The following AOPEP variants were observed in gnomAD, a reference collection of about 807,000 sequenced individuals.
AOPEP encodes aminopeptidase O (putative).
AOPEP carries 77 observed loss-of-function variants against 98.1 expected under a neutral mutation model. That is an observed-to-expected ratio of 0.78 (90% confidence interval 0.65 to 0.95). The LOEUF (loss-of-function observed/expected upper bound fraction) is 0.95, where lower values mean the gene tolerates loss of function less well. Among genes scored for constraint, AOPEP ranks in the 40% least tolerant of loss-of-function variants. AOPEP has a pLI of 0.00. For missense variants in AOPEP, 1,024 were observed against 1,024.7 expected, an observed-to-expected ratio of 1.00 and a Z score of 0.01; for synonymous variants, 346 against 365.3, an observed-to-expected ratio of 0.95 and a Z score of 0.60.
At chr9:94,915,345 AAT>A (rs1016785504) in intron 5 of AOPEP, among the ~76,000 whole-genome samples, 1 of 152,138 alleles carries the variant, frequency 6.6e-6, no homozygotes, top group African/African-American at 2.4e-5. Context: ...GCCATCAGGG[AAT>A]ATGAGAACTC....
At chr9:94,929,628 A>G (rs918386633) in intron 7 of AOPEP, among the ~76,000 whole-genome samples, 3 of 152,238 alleles carry the variant, frequency 2.0e-5, no homozygotes, top group Non-Finnish European at 4.4e-5. Context: ...TTCCCGCCCC[A>G]AAGCCATTGT....
intron 5 of AOPEP, among the ~76,000 whole-genome samples, chr9:94,828,349 T>A (rs10125609): frequency 0.62 from 94,217 of 152,126 alleles, 29,896 homozygotes; most frequent in Middle Eastern, 0.74. Flanking sequence ...TTTATTATGA[T>A]TTTAGCTCTT....
At chr9:94,918,762 GCAGT>G (rs2053178803) in intron 5 of AOPEP, among the ~76,000 whole-genome samples, 1 of 152,250 alleles carries the variant, frequency 6.6e-6, no homozygotes, top group African/African-American at 2.4e-5. Flanking sequence ...CAAACACTGA[GCAGT>G]CAGTCTTCAG....
At chr9:95,026,129 C>G (rs1055176884) in intron 13 of AOPEP, among the ~76,000 whole-genome samples, 1 of 152,074 alleles carries the variant, frequency 6.6e-6, no homozygotes, top group African/African-American at 2.4e-5. Flanking sequence ...AAGAGAAAAC[C>G]GGAATATAGA....
intron 11 of AOPEP, among the ~76,000 whole-genome samples, chr9:94,984,015 C>T (rs1406238143): frequency 4.0e-5 from 6 of 151,666 alleles, no homozygotes; most frequent in Non-Finnish European, 5.9e-5. Context: ...TGAAATATAT[C>T]GAAAGCACCT....
At chr9:95,110,251 C>A in the AOPEP span, 27 of 1,007,394 alleles carry the variant, frequency 2.7e-5, 1 homozygote, top group African/African-American at 4.3e-4. Flanking sequence ...TAATTTATTT[C>A]TTTATACTTC....
intron 14 of AOPEP, among the ~76,000 whole-genome samples, chr9:95,075,858 G>A (rs115029803): frequency 1.1e-3 from 162 of 152,320 alleles, no homozygotes; most frequent in African/African-American, 3.3e-3. Context: ...ATGACCGAAC[G>A]ACACCCTGCC....
chr9:94,964,679 G>A lies in AOPEP; in HGVS notation c.1873-3079G>A, dbSNP rs928588382. The stretch of plus-strand genomic sequence containing the variant: ...TTTTGAGACGGAGTCTCTCACTGTC[G>A]CCCAGGCTGGAGTGCAATGGCGCGA... On this transcript the variant is annotated intron_variant, in intron 9 of 16. Coordinates refer to ENST00000375315, the MANE Select transcript of AOPEP (RefSeq NM_001193329.3). 2.5e-4 allele frequency among the ~76,000 whole-genome samples: 33 copies of A among 129,690 alleles called. No individual in the cohort carries two copies. The East Asian group carries it at 5.9e-3, about 23-fold the overall frequency. 85.1% of individuals were successfully genotyped at this position (129,690 alleles called of 152,430 possible).
intron 9 of AOPEP, among the ~76,000 whole-genome samples, chr9:94,966,840 T>C (rs2059231359): frequency 6.6e-6 from 1 of 152,170 alleles, no homozygotes; most frequent in Non-Finnish European, 1.5e-5. Flanking sequence ...CAGAATGAAA[T>C]GGGCTGGAAA....
At chr9:94,820,080 G>A (rs1852714058) in intron 5 of AOPEP, among the ~76,000 whole-genome samples, 1 of 151,244 alleles carries the variant, frequency 6.6e-6, no homozygotes, top group South Asian at 2.1e-4. Flanking sequence ...TGAATAGCTG[G>A]GATTACAGGT....
At position 95,000,546 on chromosome 9, in the gene AOPEP, A is replaced by T. The variant is rs12686352; in HGVS notation, c.1978-4612A>T. On this transcript the variant is annotated intron_variant, in intron 11 of 16. Coordinates refer to ENST00000375315, the MANE Select transcript of AOPEP (RefSeq NM_001193329.3). ...AACATGGTGAAACCCTGTCTCTACT[A>T]AAAGTATAAAAATTAGCTGGACGTG... Among the ~76,000 whole-genome samples, 796 of 152,244 alleles carry T rather than the reference A, an allele frequency of 5.2e-3. 14 individuals carry two copies. Among genetic ancestry groups the T allele is most frequent in the East Asian group, 0.043 (223 of 5,166 alleles).
At chr9:94,790,018 C>T (rs1275309427) in intron 3 of AOPEP, among the ~76,000 whole-genome samples, 9 of 151,722 alleles carry the variant, frequency 5.9e-5, no homozygotes, top group South Asian at 2.1e-4. Flanking sequence ...GGACTACAGG[C>T]GCCCACCATC....
In AOPEP at chr9:94,895,219, T is replaced by TAATAAAAAA. The variant is rs1204411552; in HGVS notation, c.1365-28765_1365-28764insTAAAAAAAA. ...CAACACAGTGAAACCTCATCTCTACTAAAAAAAAATAAAATAAAATAAAAA... is the reference window on the plus strand; with the variant it reads ...CAACACAGTGAAACCTCATCTCTACTAATAAAAAAAAAAAAAAATAAAATAAAATAAAAA... On this transcript the variant is annotated intron_variant, in intron 5 of 16. Coordinates refer to ENST00000375315, the MANE Select transcript of AOPEP (RefSeq NM_001193329.3). Among the ~76,000 whole-genome samples the TAATAAAAAA allele has an allele frequency of 2.9e-3, 175 of 60,620 alleles. 3 individuals are homozygous for TAATAAAAAA. The highest frequency in any genetic ancestry group is 0.021 in the South Asian group (29 of 1,410). 39.8% of individuals were successfully genotyped at this position (60,620 alleles called of 152,430 possible).
chr9:94,755,584 C>T (rs183502340), intron 1 of AOPEP, among the ~76,000 whole-genome samples: 18 of 152,188 alleles, frequency 1.2e-4, no homozygotes, highest in Admixed American at 9.8e-4. Context: ...CTCCTTTGCC[C>T]CCCAAAGCTA....
intron 13 of AOPEP, among the ~76,000 whole-genome samples, chr9:95,023,588 A>C (rs1182714166): frequency 6.6e-6 from 1 of 152,226 alleles, no homozygotes; most frequent in Non-Finnish European, 1.5e-5. Context: ...TTGTGAGCTC[A>C]ATTTACAAAA....
At chr9:95,130,938 T>C in the AOPEP span, among the ~76,000 whole-genome samples, 1 of 152,226 alleles carries the variant, frequency 6.6e-6, no homozygotes, top group African/African-American at 2.4e-5. Context: ...GCCATTTGCT[T>C]CTTTTCTATT....
chr9:94,969,003 A>G (rs1468741012), intron 10 of AOPEP, among the ~76,000 whole-genome samples: 4 of 152,324 alleles, frequency 2.6e-5, no homozygotes, highest in East Asian at 3.9e-4. Context: ...CAAGAGGACC[A>G]AGATACTGAG....
intron 10 of AOPEP, among the ~76,000 whole-genome samples, chr9:94,968,981 C>T (rs1405091095): frequency 1.3e-5 from 2 of 152,032 alleles, no homozygotes; most frequent in African/African-American, 4.8e-5. Flanking sequence ...GTTTTTATCC[C>T]GATAATACCA....
chr9:94,960,328 T>C (rs2058730912), intron 9 of AOPEP, among the ~76,000 whole-genome samples: 2 of 151,538 alleles, frequency 1.3e-5, no homozygotes, highest in African/African-American at 4.9e-5. Context: ...GGAGAATAGC[T>C]TGAACCCAGG....
Sources: gnomAD v4.1 joint callset for allele counts (sites outside exome capture counted in the v4.1 genomes callset) on GRCh38, gnomAD v4.1.1 for gene constraint, MANE v1.5 for transcripts, NCBI Gene and HGNC (gene_info 2026-07-23, HGNC 2026-07-21) for gene names.